SMAD7: variants seen among roughly 807,000 people sequenced by gnomAD.
SMAD7 encodes the protein MAD (mothers against decapentaplegic, Drosophila) homolog 7.
In SMAD7, 8 loss-of-function variants were observed where a neutral mutation model predicts 38.7. The ratio of observed to expected loss-of-function variants is 0.21; its 90% CI spans 0.12 to 0.37. The LOEUF is 0.37. SMAD7 is among the 10% of genes least tolerant of loss of function. SMAD7 has a pLI of 1.00. For synonymous variants in SMAD7, 327 were observed against 265.1 expected (o/e 1.23, Z -2.27); for missense variants, 477 against 577.9 (o/e 0.83, Z 1.79).
At position 48,949,990 on chromosome 18, in the gene SMAD7, C is replaced by T; in HGVS notation, c.435G>A (p.Gln145=). ...AGTAGGACGAGGGCGGCTGCGCAGG[C>T]TGCGCGCCGGCGGGCGCCCCCGGGC... ...RLGPGAPAGA[Q]PAQPPSSYSL... The change falls in exon 1 of 4, where the codon CAG becomes CAA. Residue 145 remains glutamine, a synonymous_variant. Coordinates refer to ENST00000262158, the MANE Select transcript of SMAD7 (RefSeq NM_005904.4). 6.3e-7 allele frequency: 1 copy of T among 1,588,252 alleles called. No homozygotes were observed. Among genetic ancestry groups the T allele is most frequent in the Non-Finnish European group, 8.6e-7 (1 of 1,168,574 alleles).
chr18:48,924,783 T>C (rs943424782), intron 3 of SMAD7, among the ~76,000 whole-genome samples: 2 of 152,062 alleles, frequency 1.3e-5, no homozygotes, highest in Admixed American at 1.3e-4. Context: ...GCCGGGACTA[T>C]CTCTAAGCAC....
chr18:48,948,296 A>G (rs540595896), intron 2 of SMAD7, 88 bp downstream of exon 2: 5 of 849,512 alleles, frequency 5.9e-6, no homozygotes, highest in South Asian at 4.9e-5. Flanking sequence ...CACCTCCCCA[A>G]GCCTTTGCCT....
chr18:48,930,353 C>A (rs747751279), intron 3 of SMAD7, among the ~76,000 whole-genome samples: 1 of 152,174 alleles, frequency 6.6e-6, no homozygotes, highest in East Asian at 1.9e-4. Context: ...GACCCAAGCC[C>A]CCACTCCCTC....
At chr18:48,946,262 G>C (rs1352152198) in intron 2 of SMAD7, among the ~76,000 whole-genome samples, 2 of 152,142 alleles carry the variant, frequency 1.3e-5, no homozygotes, top group African/African-American at 2.4e-5. Flanking sequence ...TTCAACCTAA[G>C]GGACATAGAA....
intron 3 of SMAD7, among the ~76,000 whole-genome samples, chr18:48,928,856 T>C (rs528491845): frequency 6.6e-6 from 1 of 152,124 alleles, no homozygotes; most frequent in South Asian, 2.1e-4. Flanking sequence ...AGAATGTAAT[T>C]GAGGGTGGCA....
chr18:48,923,698 C>A (rs1599219304), intron 3 of SMAD7, among the ~76,000 whole-genome samples: 1 of 152,192 alleles, frequency 6.6e-6, no homozygotes, highest in Middle Eastern at 3.4e-3. Context: ...CAACCCCCAA[C>A]CCCCACTAAA....
intron 2 of SMAD7, among the ~76,000 whole-genome samples, chr18:48,943,051 T>A (rs566585864): frequency 6.6e-6 from 1 of 152,354 alleles, no homozygotes; most frequent in African/African-American, 2.4e-5. Context: ...TCCCCTTTTT[T>A]AATTGAGGAC....
At chr18:48,926,566 G>A (rs979475147) in intron 3 of SMAD7, among the ~76,000 whole-genome samples, 4 of 152,262 alleles carry the variant, frequency 2.6e-5, no homozygotes, top group African/African-American at 9.6e-5. Context: ...GGACGGAGAA[G>A]TTGGGGAGGA....
intron 1 of SMAD7, 23 bp downstream of exon 1, chr18:48,949,789 G>T: frequency 6.4e-7 from 1 of 1,569,382 alleles, no homozygotes; most frequent in East Asian, 2.3e-5. Context: ...GAAAATGTTG[G>T]GGGTAGGGGG....
At chr18:48,936,615 T>C (rs1599228950) in intron 3 of SMAD7, among the ~76,000 whole-genome samples, 1 of 152,382 alleles carries the variant, frequency 6.6e-6, no homozygotes, top group South Asian at 2.1e-4. Context: ...GGGATTTTAG[T>C]GTGCGAGCAA....
chr18:48,934,444 A>AC (rs973613070), intron 3 of SMAD7, among the ~76,000 whole-genome samples: 1 of 105,808 alleles, frequency 9.5e-6, no homozygotes, highest in Non-Finnish European at 1.8e-5. Flanking sequence ...ATTCTTACGT[A>AC]CCCCCCATCA....
In SMAD7 at chr18:48,921,177, T is replaced by C; in HGVS notation, c.*195A>G. 1 of 575,532 alleles carries C rather than the reference T, an allele frequency of 1.7e-6. No homozygotes were observed. The highest frequency in any genetic ancestry group is 2.4e-5 in the South Asian group (1 of 42,108). The allele number at this position is 575,532 out of a possible 1,614,324, so 35.7% of individuals were successfully genotyped here. A position where few individuals can be genotyped will look rare whatever the true frequency, so the allele number is the denominator to read the frequency against. ...TCCAAAAAAACCCCCAACAATTCTT[T>C]TCATAAGCTATTTCTCAAAGAGCGA... On this transcript the variant is annotated 3_prime_UTR_variant, in exon 4 of 4. Coordinates refer to ENST00000262158, the MANE Select transcript of SMAD7 (RefSeq NM_005904.4). The surrounding 1 kb of genome is among the most constrained non-coding windows in gnomAD (Gnocchi z 6.4).
At chr18:48,935,269 A>G (rs1361140830) in intron 3 of SMAD7, among the ~76,000 whole-genome samples, 2 of 152,196 alleles carry the variant, frequency 1.3e-5, no homozygotes, top group African/African-American at 4.8e-5. Context: ...CACTAAATTG[A>G]GAACTGTGCC....
In SMAD7 at chr18:48,921,849, C is replaced by T. The variant is rs777496760; in HGVS notation, c.804G>A (p.Glu268=). Reference sequence around the variant, plus strand: ...AGAGCCTCCCCACTCTCGTCTTCTCCTCCCAGTATGCCACCACGCACCAGT... The same window carrying T: ...AGAGCCTCCCCACTCTCGTCTTCTCTTCCCAGTATGCCACCACGCACCAGT... ...RSHWCVVAYW[E]EKTRVGRLYC... Residue 268 remains glutamate, a synonymous_variant, in exon 4 of 4, where the codon GAG becomes GAA. Transcript: ENST00000262158. The surrounding 1 kb of genome is among the most constrained non-coding windows in gnomAD (Gnocchi z 6.4). 1.9e-6 allele frequency: 3 copies of T among 1,613,636 alleles called. No homozygotes were observed. Among genetic ancestry groups the T allele is most frequent in the Non-Finnish European group, 2.5e-6 (3 of 1,179,962 alleles).
chr18:48,943,711 G>A (rs1046800767), intron 2 of SMAD7, among the ~76,000 whole-genome samples: 3 of 152,160 alleles, frequency 2.0e-5, no homozygotes, highest in African/African-American at 7.2e-5. Flanking sequence ...TGGGTTTCCA[G>A]TTGGAACCAC....
intron 3 of SMAD7, among the ~76,000 whole-genome samples, chr18:48,930,609 G>T (rs956441927): frequency 6.6e-6 from 1 of 151,750 alleles, no homozygotes; most frequent in Non-Finnish European, 1.5e-5. Context: ...CCCCCACCGC[G>T]CAGGGACAGA....
intron 3 of SMAD7, among the ~76,000 whole-genome samples, chr18:48,939,167 CCCA>C (rs1460233994): frequency 6.6e-6 from 1 of 151,316 alleles, no homozygotes; most frequent in African/African-American, 2.4e-5. Flanking sequence ...CACACCCACC[CCCA>C]CAACACACAC....
At chr18:48,941,334 T>C (rs2070137054) in intron 3 of SMAD7, among the ~76,000 whole-genome samples, 2 of 152,154 alleles carry the variant, frequency 1.3e-5, no homozygotes, top group Admixed American at 6.6e-5. Context: ...AGAGTATATA[T>C]TGCATTGAAA....
At chr18:48,930,695 C>G (rs912008885) in intron 3 of SMAD7, among the ~76,000 whole-genome samples, 1 of 140,466 alleles carries the variant, frequency 7.1e-6, no homozygotes, top group Non-Finnish European at 1.6e-5. Context: ...TAGGGCTCCC[C>G]CACCGCATGC....
Sources: gnomAD v4.1 joint callset for allele counts (sites outside exome capture counted in the v4.1 genomes callset) on GRCh38, gnomAD v4.1.1 for gene constraint, Gnocchi (gnomAD v3.1) non-coding constraint, MANE v1.5 for transcripts, NCBI Gene and HGNC (gene_info 2026-07-23, HGNC 2026-07-21) for gene names.